NRL: variants seen among roughly 807,000 people sequenced by gnomAD.
NRL encodes the protein neural retina leucine zipper.
Under a neutral mutation model 12.5 loss-of-function variants are expected in NRL, and 16 were observed. The ratio of observed to expected loss-of-function variants is 1.28; its 90% CI spans 0.87 to 1.95. NRL has a LOEUF of 1.95. NRL is among the 30% of genes most tolerant of loss of function. The pLI is 0.00. For missense variants in NRL, 314 were observed against 325.8 expected, an observed-to-expected ratio of 0.96 and a Z score of 0.28; for synonymous variants, 142 against 150.9, an observed-to-expected ratio of 0.94 and a Z score of 0.43.
At chr14:24,097,101 A>T in intron 1 of NRL, 1 of 1,613,998 alleles carries the variant, frequency 6.2e-7, no homozygotes, top group Non-Finnish European at 8.5e-7. Context: ...CTGGAGCAGC[A>T]GGGCCTCATC....
chr14:24,099,975 T>C lies in NRL; in HGVS notation c.-28+14747A>G, dbSNP rs1354223610. 13 of 1,614,186 alleles carry C rather than the reference T, an allele frequency of 8.1e-6. No individual in the cohort carries two copies. In the South Asian group the frequency reaches 1.4e-4, roughly 18 times the overall value. ...AGTTTTCCTTGTTTGGTCCTTCCTT[T>C]CTTTCACTTCTCCTAACAGGTCGAC... On this transcript the variant is annotated intron_variant, in intron 1 of 2. Transcript: ENST00000561028.
At chr14:24,082,337 A>C in intron 2 of NRL, 131 bp downstream of exon 2, 1 of 1,134,540 alleles carries the variant, frequency 8.8e-7, no homozygotes. Context: ...CTTTCAAGGG[A>C]CCTTCTCCCC....
intron 1 of NRL, chr14:24,098,694 G>T: frequency 6.2e-7 from 1 of 1,606,632 alleles, no homozygotes; most frequent in East Asian, 2.2e-5. Flanking sequence ...CACCTGCTCT[G>T]CCCCAAGGGG....
intron 1 of NRL, among the ~76,000 whole-genome samples, chr14:24,086,690 A>T (rs975515801): frequency 6.6e-5 from 10 of 152,222 alleles, no homozygotes; most frequent in African/African-American, 2.4e-4. Context: ...CTGGCCAGAC[A>T]CTTGCCCCCA....
intron 1 of NRL, among the ~76,000 whole-genome samples, chr14:24,087,300 G>T (rs2036490355): frequency 6.6e-6 from 1 of 152,136 alleles, no homozygotes; most frequent in African/African-American, 2.4e-5. Flanking sequence ...CATAAGATTG[G>T]GGACCAAGAC....
intron 1 of NRL, chr14:24,102,651 C>CAAAA: frequency 1.1e-6 from 1 of 881,918 alleles, no homozygotes; most frequent in Non-Finnish European, 1.7e-6. Flanking sequence ...GCTGATGAGG[C>CAAAA]AAAAAAAAAA....
In NRL at chr14:24,079,341, A is replaced by G. The variant is rs2036209480; in HGVS notation, c.*1895T>C. The stretch of plus-strand genomic sequence containing the variant: ...CACAGGTGAAATTTAGAGTGAGAGA[A>G]AAAGAGCTGGGCTCCCGGAAGGACC... On this transcript the variant is annotated 3_prime_UTR_variant, in exon 3 of 3. Transcript: ENST00000561028. 6.6e-6 allele frequency among the ~76,000 whole-genome samples: 1 copy of G among 152,220 alleles called. No individual in the cohort carries two copies. Among genetic ancestry groups the G allele is most frequent in the Non-Finnish European group, 1.5e-5 (1 of 68,042 alleles).
Position 24,081,830 on chromosome 14 carries a change from G to C in NRL, c.382-262C>G, listed in dbSNP as rs1399477271. 1.5e-5 allele frequency: 21 copies of C among 1,432,452 alleles called. 1 individual carries two copies. In the South Asian group the frequency reaches 2.8e-4, roughly 19 times the overall value. 88.7% of individuals were successfully genotyped at this position (1,432,452 alleles called of 1,614,324 possible). ...CCGGCCACGGTCAGGCGAGCCCGTC[G>C]CGCACCTAAACCCCGGGCTCGTCTC... On this transcript the variant is annotated intron_variant, in intron 2 of 2. Coordinates refer to ENST00000561028, the MANE Select transcript of NRL (RefSeq NM_001354768.3). This position sits in a 1 kb window ranked among gnomAD's most constrained non-coding sequence, Gnocchi z 4.4.
At chr14:24,089,138 T>C (rs775816548) in intron 1 of NRL, among the ~76,000 whole-genome samples, 134 of 152,036 alleles carry the variant, frequency 8.8e-4, no homozygotes, top group Non-Finnish European at 6.2e-4. Context: ...CAGGGTTTCA[T>C]GTTGGCCAGG....
intron 1 of NRL, chr14:24,103,144 T>G (rs1566581252): frequency 6.3e-7 from 1 of 1,597,952 alleles, no homozygotes; most frequent in African/African-American, 1.3e-5. Context: ...TGTGACTCTG[T>G]TCATTGGTGA....
chr14:24,104,248 T>A (rs898383754), intron 1 of NRL: 2 of 431,134 alleles, frequency 4.6e-6, no homozygotes, highest in East Asian at 9.8e-5. Flanking sequence ...AAAGATCTGT[T>A]TTACAGGTAG....
At position 24,098,807 on chromosome 14, in the gene NRL, C is replaced by G. The variant is rs78297859; in HGVS notation, c.-28+15915G>C. ...GCAACCTAATTCCCAAGATCCAGAG[C>G]AGCAGTCCCAGCAGAGGGATAAGGC... On this transcript the variant is annotated intron_variant, in intron 1 of 2. Coordinates refer to ENST00000561028, the MANE Select transcript of NRL (RefSeq NM_001354768.3). 356 of 789,642 alleles carry G rather than the reference C, an allele frequency of 4.5e-4. 2 individuals carry two copies. The East Asian group carries it at 8.7e-3, about 19-fold the overall frequency. The allele number at this position is 789,642 out of a possible 1,614,324, so 48.9% of individuals were successfully genotyped here. A position where few individuals can be genotyped will look rare whatever the true frequency, so the allele number is the denominator to read the frequency against.
chr14:24,098,425 G>C (rs764533800), intron 1 of NRL: 1 of 1,612,518 alleles, frequency 6.2e-7, no homozygotes, highest in Non-Finnish European at 8.5e-7. Flanking sequence ...GGGCACGGAA[G>C]ATGTGAACAG....
chr14:24,099,346 G>C, intron 1 of NRL: 1 of 1,165,444 alleles, frequency 8.6e-7, no homozygotes, highest in Non-Finnish European at 1.2e-6. Context: ...GCTGGTGGGC[G>C]GGGACTCTAC....
rs571414616 is a variant in NRL at position 24,095,438 on chromosome 14, C to T, written c.-27-12563G>A. 171 of 348,564 alleles carry T rather than the reference C, an allele frequency of 4.9e-4. 1 individual carries two copies. The highest frequency in any genetic ancestry group is 3.4e-3 in the South Asian group (159 of 46,908). The allele number at this position is 348,564 out of a possible 1,614,324, so 21.6% of individuals were successfully genotyped here. On this transcript the variant is annotated intron_variant, in intron 1 of 2. Coordinates refer to ENST00000561028, the MANE Select transcript of NRL (RefSeq NM_001354768.3). ...ACACTGATCATCTATCCTGCTTTAG[C>T]GGAAACCACCCCAGCTTCTACCCCA... is the stretch of plus-strand genomic sequence containing the variant.
chr14:24,103,655 C>T lies in NRL; in HGVS notation c.-28+11067G>A, dbSNP rs138040637. On this transcript the variant is annotated intron_variant, in intron 1 of 2. Transcript: ENST00000561028. Reference sequence around the variant, plus strand: ...TCCATGTCAACTGGTTCCGGCGTGACGAGGCAGGGCACTTCCTGTGGCCAG... The same window carrying T: ...TCCATGTCAACTGGTTCCGGCGTGATGAGGCAGGGCACTTCCTGTGGCCAG... 6.3e-5 allele frequency: 102 copies of T among 1,614,054 alleles called. No homozygotes were observed. Among genetic ancestry groups the T allele is most frequent in the African/African-American group, 6.1e-4 (46 of 74,928 alleles).
At position 24,100,035 on chromosome 14, in the gene NRL, G is replaced by A. The variant is rs745536302; in HGVS notation, c.-28+14687C>T. ...TCAACCCTGAGAACGGCTTCTTTGG[G>A]GTTGCCCCTGGTACCTCTGCCACCA... On this transcript the variant is annotated intron_variant, in intron 1 of 2. Transcript: ENST00000561028. 2.5e-6 allele frequency: 4 copies of A among 1,613,956 alleles called. No individual in the cohort carries two copies. The South Asian group carries it at 3.3e-5, about 13-fold the overall frequency.
chr14:24,099,856 C>A (rs921829298), intron 1 of NRL: 1 of 1,555,764 alleles, frequency 6.4e-7, no homozygotes, highest in Non-Finnish European at 8.9e-7. Flanking sequence ...TCTGGCAGCC[C>A]AGCCACCCGA....
chr14:24,081,528 G>A lies in NRL; in HGVS notation c.422C>T (p.Ser141Phe). The change falls in exon 3 of 3, where the codon TCT becomes TTT. Residue 141 changes from serine (S) to phenylalanine (F), a missense_variant. Physicochemically the swap from Ser to Phe is radical, Grantham distance 155. Transcript: ENST00000561028. The surrounding 1 kb of genome is among the most constrained non-coding windows in gnomAD (Gnocchi z 4.4). Reference sequence around the variant, plus strand: ...CAGCTGCCGGTTTAGCTCCCGCACAGACATCGAGACCAGCGCCGCGTCGGA... The same window carrying A: ...CAGCTGCCGGTTTAGCTCCCGCACAAACATCGAGACCAGCGCCGCGTCGGA... ...RFSDAALVSM[S>F]VRELNRQLRG... is the part of the protein sequence containing the mutation. The A allele has an allele frequency of 1.9e-6, 3 of 1,604,602 alleles. No homozygotes were observed. Among genetic ancestry groups the A allele is most frequent in the Non-Finnish European group, 2.5e-6 (3 of 1,176,960 alleles).
Sources: allele counts gnomAD v4.1 joint callset (sites outside exome capture counted in the v4.1 genomes callset), GRCh38; gene constraint gnomAD v4.1.1; non-coding constraint Gnocchi (gnomAD v3.1); transcripts MANE v1.5; gene names NCBI Gene and HGNC (gene_info 2026-07-23, HGNC 2026-07-21).